COL18A1: variants seen among roughly 807,000 people sequenced by gnomAD.
COL18A1 encodes collagen alpha-1(XVIII) chain.
In COL18A1, 133 loss-of-function variants were observed where a neutral mutation model predicts 168.0. The ratio of observed to expected loss-of-function variants is 0.79; its 90% CI spans 0.69 to 0.91. COL18A1 has a LOEUF of 0.91. Among genes scored for constraint, COL18A1 ranks in the 40% least tolerant of loss-of-function variants. The pLI is 0.00. For missense variants in COL18A1, 2,126 were observed against 1,925.4 expected, an observed-to-expected ratio of 1.10 and a Z score of -1.95; for synonymous variants, 949 against 809.0, an observed-to-expected ratio of 1.17 and a Z score of -2.94.
At chr21:45,453,298 T>C (rs951502517) in intron 2 of COL18A1, among the ~76,000 whole-genome samples, 1 of 152,138 alleles carries the variant, frequency 6.6e-6, no homozygotes, top group Non-Finnish European at 1.5e-5. Flanking sequence ...TGGGGGCTTG[T>C]GTATGTGAGT....
intron 38 of COL18A1, among the ~76,000 whole-genome samples, chr21:45,508,586 C>T (rs900567544): frequency 6.6e-6 from 1 of 151,864 alleles, no homozygotes; most frequent in Non-Finnish European, 1.5e-5. Context: ...CAGCTGCTGT[C>T]GGCCCCTCCT....
chr21:45,486,311 T>C (rs890980674), intron 15 of COL18A1, among the ~76,000 whole-genome samples: 1 of 136,540 alleles, frequency 7.3e-6, no homozygotes, highest in Non-Finnish European at 1.5e-5. Flanking sequence ...CTCTCCTCTC[T>C]CCTCTCTTCT....
At chr21:45,415,452 CAG>C (rs1315486460) in intron 2 of COL18A1, among the ~76,000 whole-genome samples, 1 of 152,210 alleles carries the variant, frequency 6.6e-6, no homozygotes, top group Non-Finnish European at 1.5e-5. Flanking sequence ...ACCCAGGGCT[CAG>C]AGCTCAGGAC....
intron 25 of COL18A1, 98 bp downstream of exon 25, chr21:45,493,323 C>T (rs186887905): frequency 1.4e-4 from 196 of 1,410,732 alleles, no homozygotes; most frequent in Middle Eastern, 5.2e-4. Flanking sequence ...TGGGACCCCC[C>T]GGCTGCTGCT....
chr21:45,504,257 T>C, intron 33 of COL18A1, 159 bp from the exon 34 acceptor site: 2 of 867,274 alleles, frequency 2.3e-6, no homozygotes, highest in Non-Finnish European at 3.7e-6. Flanking sequence ...GCTGATGCAG[T>C]GGGAGGTGGG....
intron 2 of COL18A1, among the ~76,000 whole-genome samples, chr21:45,444,394 G>A (rs1221843280): frequency 1.3e-5 from 2 of 152,280 alleles, no homozygotes; most frequent in East Asian, 1.9e-4. Context: ...AATGAAGGAC[G>A]TTGTGCTCGT....
intron 2 of COL18A1, among the ~76,000 whole-genome samples, chr21:45,448,022 T>G (rs1055503649): frequency 6.6e-6 from 1 of 152,122 alleles, no homozygotes; most frequent in Non-Finnish European, 1.5e-5. Context: ...CCAGGGGACA[T>G]GGATCGAGGT....
chr21:45,435,181 G>A (rs574544681), intron 2 of COL18A1, among the ~76,000 whole-genome samples: 256 of 149,706 alleles, frequency 1.7e-3, no homozygotes, highest in Non-Finnish European at 2.9e-3. Flanking sequence ...CGCACTGCAG[G>A]TGTGAGTCCT....
chr21:45,445,393 C>G (rs1235760947), intron 2 of COL18A1, among the ~76,000 whole-genome samples: 1 of 152,230 alleles, frequency 6.6e-6, no homozygotes, highest in Non-Finnish European at 1.5e-5. Flanking sequence ...CACCTTTTAG[C>G]TGTGATGAAC....
rs560016001 is a variant in COL18A1, at chr21:45,486,918, G to T, written c.1759G>T (p.Ala587Ser). Residue 587 changes from alanine (A) to serine (S), a missense_variant, in exon 16 of 42, where the codon GCC becomes TCC. Physicochemically the swap from Ala to Ser is moderately conservative, Grantham distance 99. Coordinates refer to ENST00000651438, the MANE Select transcript of COL18A1 (RefSeq NM_001379500.1). The stretch of plus-strand genomic sequence containing the variant: ...TCGTGGGGAGAGCGGCCTGGCAGGA[G>T]CCCCCGGACCTGCTGGACCACCAGG... ...GARGESGLAGAPGPAGPPGPP... is the reference protein window; with the variant it reads ...GARGESGLAGSPGPAGPPGPP... 77 of 1,520,432 alleles carry T rather than the reference G, an allele frequency of 5.1e-5. No homozygotes were observed. Among genetic ancestry groups the T allele is most frequent in the African/African-American group, 2.2e-4 (16 of 71,828 alleles). 94.2% of individuals were successfully genotyped at this position (1,520,432 alleles called of 1,614,324 possible).
chr21:45,432,184 G>A (rs1219484773), intron 2 of COL18A1, among the ~76,000 whole-genome samples: 1 of 152,218 alleles, frequency 6.6e-6, no homozygotes, highest in Non-Finnish European at 1.5e-5. Flanking sequence ...CCCCAGCAGG[G>A]CCTCCCTGGA....
intron 8 of COL18A1, 102 bp downstream of exon 8, chr21:45,478,067 A>T: frequency 1.3e-6 from 1 of 773,310 alleles, no homozygotes; most frequent in South Asian, 1.6e-5. Flanking sequence ...CTGAGCTGGG[A>T]TCGGGGCAGG....
At chr21:45,421,021 C>A in intron 2 of COL18A1, 1 of 198,086 alleles carries the variant, frequency 5.0e-6, no homozygotes, top group Non-Finnish European at 1.1e-5. Flanking sequence ...GCCACTCACC[C>A]GTGTCTGCTC....
At chr21:45,446,965 TAAC>T (rs974842279) in intron 2 of COL18A1, among the ~76,000 whole-genome samples, 2 of 152,178 alleles carry the variant, frequency 1.3e-5, no homozygotes, top group African/African-American at 4.8e-5. Flanking sequence ...GAAAAACACT[TAAC>T]AAGCTGGTAA....
intron 2 of COL18A1, among the ~76,000 whole-genome samples, chr21:45,410,336 T>G (rs2033251768): frequency 6.6e-6 from 1 of 152,064 alleles, no homozygotes; most frequent in Admixed American, 6.5e-5. Flanking sequence ...GGGTGGCGGT[T>G]TGGCTCTCAC....
In COL18A1 at chr21:45,509,756, C is replaced by G. The variant is rs62214275; in HGVS notation, c.3495+155C>G. On this transcript the variant is annotated intron_variant, in intron 39 of 41. Transcript: ENST00000651438. ...GGGCCACTCAGGGCGGCTTGGCTGG[C>G]CCTGGGACTTGCCCTCTGGTGGCCA... Among the ~76,000 whole-genome samples, 7,423 of 152,256 alleles carry G rather than the reference C, an allele frequency of 0.049. 322 individuals carry two copies. Among genetic ancestry groups the G allele is most frequent in the African/African-American group, 0.12 (4,859 of 41,554 alleles).
chr21:45,427,791 G>A (rs1346296608), intron 2 of COL18A1, among the ~76,000 whole-genome samples: 1 of 152,244 alleles, frequency 6.6e-6, no homozygotes, highest in Admixed American at 6.5e-5. Flanking sequence ...TGGCCCTGGG[G>A]TTGGGTCTGC....
In COL18A1 at chr21:45,489,516, G is replaced by A. The variant is rs780076280; in HGVS notation, c.1954G>A (p.Ala652Thr). The change falls in exon 19 of 42, where the codon GCG becomes ACG. Residue 652 changes from alanine (A) to threonine (T), a missense_variant. Transcript: ENST00000651438. ...TCCTGGCGTGCCTGGGCTGCCGGGG[G>A]CGAAGGTAAGCGCTGTGCCCGGGTT... ...GDPGVPGLPG[A>T]KGEVGADGVP... The A allele has an allele frequency of 6.2e-7, 1 of 1,601,098 alleles. No individual in the cohort carries two copies.
chr21:45,494,289 A>C, intron 26 of COL18A1: 28 of 446,896 alleles, frequency 6.3e-5, no homozygotes, highest in East Asian at 8.8e-5. Flanking sequence ...GTCCCGGGGC[A>C]TGCATGCACG....
Sources: gnomAD v4.1 joint callset for allele counts (sites outside exome capture counted in the v4.1 genomes callset) on GRCh38, gnomAD v4.1.1 for gene constraint, MANE v1.5 for transcripts, NCBI Gene and HGNC (gene_info 2026-07-23, HGNC 2026-07-21) for gene names.